Variants in CAPRIN2 observed in about 807,000 individuals in gnomAD.
CAPRIN2 encodes caprin family member 2.
In CAPRIN2, 66 loss-of-function variants were observed where a neutral mutation model predicts 130.4. That is an observed-to-expected ratio of 0.51 (90% CI 0.42 to 0.62). The LOEUF is 0.62. CAPRIN2 is among the 20% of genes least tolerant of loss of function. The pLI is 0.00. For missense variants in CAPRIN2, 1,185 were observed against 1,246.6 expected (o/e 0.95, Z 0.74); for synonymous variants, 471 against 444.1 (o/e 1.06, Z -0.76).
chr12:30,728,852 G>A (rs1165898404), exon 8 of CAPRIN2: 2 of 1,614,074 alleles, frequency 1.2e-6, no homozygotes, highest in East Asian at 4.5e-5. Context: ...TCCATGACTT[G>A]GTGGTGTTCT....
intron 2 of CAPRIN2, among the ~76,000 whole-genome samples, chr12:30,748,272 G>A (rs531364668): frequency 3.9e-5 from 6 of 152,202 alleles, no homozygotes; most frequent in South Asian, 4.1e-4. Flanking sequence ...GTCCATCAAC[G>A]TGGCTAATTT....
intron 2 of CAPRIN2, among the ~76,000 whole-genome samples, chr12:30,741,451 A>C (rs552785893): frequency 1.2e-4 from 19 of 152,154 alleles, no homozygotes; most frequent in South Asian, 4.1e-4. Context: ...ACTCAAACAT[A>C]TTACACAAAT....
chr12:30,744,271 A>G (rs1473715428), intron 2 of CAPRIN2, among the ~76,000 whole-genome samples: 1 of 152,154 alleles, frequency 6.6e-6, no homozygotes, highest in Non-Finnish European at 1.5e-5. Context: ...CCTTACATCC[A>G]TACACTATCT....
rs200274282 is a variant in CAPRIN2 at position 30,726,971 on chromosome 12, CAGTAACT to C, written c.1783-890_1783-884del. Among the ~76,000 whole-genome samples the C allele has an allele frequency of 9.9e-3, 1,514 of 152,278 alleles. 25 individuals are homozygous for C. The highest frequency in any genetic ancestry group is 0.034 in the African/African-American group (1,410 of 41,566). On this transcript the variant is annotated intron_variant, in intron 8 of 16. Coordinates refer to ENST00000298892, the Ensembl canonical transcript of CAPRIN2. ...TACACATAGAAGTATCCTCTCCTCT[CAGTAACT>C]GAAAAACCCTACAACTTCAATATAA... is the stretch of plus-strand genomic sequence containing the variant.
chr12:30,729,612 C>A, intron 7 of CAPRIN2, among the ~76,000 whole-genome samples: 1 of 152,202 alleles, frequency 6.6e-6, no homozygotes, highest in East Asian at 1.9e-4. Context: ...GATTCGGATT[C>A]TTCTACCAAG....
At chr12:30,740,474 T>C (rs1297396154) in intron 3 of CAPRIN2, among the ~76,000 whole-genome samples, 1 of 152,196 alleles carries the variant, frequency 6.6e-6, no homozygotes, top group Non-Finnish European at 1.5e-5. Context: ...TAAGACTTCA[T>C]ATTACTGATT....
intron 11 of CAPRIN2, among the ~76,000 whole-genome samples, chr12:30,722,675 TGGATCACGAGGTCA>T (rs1158084679): frequency 2.5e-4 from 38 of 152,172 alleles, no homozygotes; most frequent in African/African-American, 8.2e-4. Context: ...CCAAGGCAGG[TGGATCACGAGGTCA>T]GGAGCTCAAG....
At chr12:30,716,745 C>A in intron 12 of CAPRIN2, 69 bp from the exon 15 acceptor site, 1 of 1,385,956 alleles carries the variant, frequency 7.2e-7, no homozygotes, top group Non-Finnish European at 1.0e-6. Context: ...TGGTATCCAG[C>A]AAAATTGTAC....
intron 5 of CAPRIN2, 140 bp downstream of exon 6, chr12:30,733,489 A>G (rs1366609712): frequency 9.4e-6 from 6 of 635,964 alleles, no homozygotes; most frequent in Non-Finnish European, 1.7e-5. Context: ...AAACAAAGGG[A>G]TCATTCTCCC....
At chr12:30,728,518 G>A in intron 8 of CAPRIN2, 130 bp downstream of exon 9, 1 of 716,136 alleles carries the variant, frequency 1.4e-6, no homozygotes, top group South Asian at 2.0e-5. Context: ...TAGTGCCACT[G>A]CACTCCAGCC....
At chr12:30,727,529 G>A (rs2061308246) in intron 8 of CAPRIN2, among the ~76,000 whole-genome samples, 1 of 152,150 alleles carries the variant, frequency 6.6e-6, no homozygotes, top group South Asian at 2.1e-4. Flanking sequence ...GAGAACACTG[G>A]AAGCACAAGT....
intron 1 of CAPRIN2, among the ~76,000 whole-genome samples, chr12:30,751,955 G>A (rs113981021): frequency 0.12 from 15,667 of 129,268 alleles, 963 homozygotes; most frequent in Middle Eastern, 0.2. Context: ...ATTTCACTCC[G>A]TTGCCCAGGC....
At chr12:30,716,000 A>G (rs2057429687) in intron 13 of CAPRIN2, 1 of 154,822 alleles carries the variant, frequency 6.5e-6, no homozygotes, top group African/African-American at 2.4e-5. Context: ...TTAAATTTAA[A>G]TTAAGAAATG....
chr12:30,745,025 GAA>G (rs2069314542), intron 2 of CAPRIN2, among the ~76,000 whole-genome samples: 1 of 152,234 alleles, frequency 6.6e-6, no homozygotes, highest in Non-Finnish European at 1.5e-5. Flanking sequence ...TATCAACTAG[GAA>G]GCGTATGTAA....
At chr12:30,713,824 G>T (rs1472264386) in exon 15 of CAPRIN2, 10 of 1,610,982 alleles carry the variant, frequency 6.2e-6, no homozygotes, top group Non-Finnish European at 8.5e-6. Flanking sequence ...CTCTAGCTTG[G>T]AACTGCAGCT....
chr12:30,735,076 T>C (rs2064131557), exon 4 of CAPRIN2: 2 of 1,614,014 alleles, frequency 1.2e-6, no homozygotes, highest in Non-Finnish European at 1.7e-6. Context: ...TTTGAAGTCT[T>C]TTTGTACGTG....
At chr12:30,748,616 A>G (rs1216303567) in intron 2 of CAPRIN2, among the ~76,000 whole-genome samples, 1 of 152,172 alleles carries the variant, frequency 6.6e-6, no homozygotes, top group Non-Finnish European at 1.5e-5. Context: ...AGAACCCATA[A>G]TATCTCTGAG....
At chr12:30,736,580 A>T (rs767613313) in intron 3 of CAPRIN2, among the ~76,000 whole-genome samples, 6 of 152,230 alleles carry the variant, frequency 3.9e-5, no homozygotes, top group Non-Finnish European at 8.8e-5. Flanking sequence ...ATGTGGAAGC[A>T]ACTTAATAAA....
rs572877591 is a variant in CAPRIN2, at chr12:30,726,315, T to C, written c.1783-227A>G. 3.3e-5 allele frequency among the ~76,000 whole-genome samples: 5 copies of C among 152,300 alleles called. No homozygotes were observed. In the South Asian group the frequency reaches 1.0e-3, roughly 32 times the overall value. ...TTTCTAAAACACAAAATATTCCTTTTAAAGGGAAGATCCAGCAGAACTTCC... is the reference window on the plus strand; with the variant it reads ...TTTCTAAAACACAAAATATTCCTTTCAAAGGGAAGATCCAGCAGAACTTCC... On this transcript the variant is annotated intron_variant, in intron 8 of 16. Transcript: ENST00000298892.
Sources: gnomAD v4.1 joint callset for allele counts (sites outside exome capture counted in the v4.1 genomes callset) on GRCh38, gnomAD v4.1.1 for gene constraint, MANE v1.5 for transcripts, NCBI Gene and HGNC (gene_info 2026-07-23, HGNC 2026-07-21) for gene names.